PCDH11X: variants seen among roughly 807,000 people sequenced by gnomAD.
PCDH11X encodes protocadherin 11 X-linked.
PCDH11X carries 18 observed loss-of-function variants against 53.3 expected under a neutral mutation model. The observed-to-expected ratio is 0.34, with a 90% CI of 0.23 to 0.50. The LOEUF (loss-of-function observed/expected upper bound fraction) is 0.50. Ranked by LOEUF, PCDH11X falls within the 20% of genes least tolerant of loss-of-function variation. PCDH11X has a pLI of 0.98. For missense variants in PCDH11X, 570 were observed against 1,032.4 expected (o/e 0.55, Z 6.14); for synonymous variants, 279 against 393.3 (o/e 0.71, Z 3.44).
At chrX:92,399,192 C>CAAAAAAAAAAAAAAAAAA (rs376361040) in intron 9 of PCDH11X, among the ~76,000 whole-genome samples, 9 of 91,582 alleles carry the variant, frequency 9.8e-5, no homozygotes, top group African/African-American at 3.3e-4. Flanking sequence ...GACTCCGTGT[C>CAAAAAAAAAAAAAAAAAA]AAAAAAAAAA....
intron 8 of PCDH11X, among the ~76,000 whole-genome samples, chrX:92,332,980 A>G (rs1431134690): frequency 8.9e-6 from 1 of 112,001 alleles, no homozygotes; most frequent in Non-Finnish European, 1.9e-5. Flanking sequence ...GGGTTACCAA[A>G]TAAGAAATAC....
intron 9 of PCDH11X, among the ~76,000 whole-genome samples, chrX:92,432,563 T>C (rs2072273451): frequency 9.1e-6 from 1 of 109,902 alleles, no homozygotes; most frequent in African/African-American, 3.3e-5. Flanking sequence ...AAGTAGGAGT[T>C]GAGTAAATAC....
intron 6 of PCDH11X, among the ~76,000 whole-genome samples, chrX:91,904,976 G>T (rs1191668527): frequency 1.8e-5 from 2 of 109,076 alleles, no homozygotes; most frequent in Non-Finnish European, 3.8e-5. Context: ...CAGGGGAAAA[G>T]AATAAATATT....
chrX:92,516,647 C>A (rs1048785739), intron 10 of PCDH11X, among the ~76,000 whole-genome samples: 1 of 111,899 alleles, frequency 8.9e-6, no homozygotes, highest in African/African-American at 3.2e-5. Context: ...TTTAGAATTT[C>A]AAATATGATC....
intron 8 of PCDH11X, among the ~76,000 whole-genome samples, chrX:92,287,547 A>C (rs1190199059): frequency 9.0e-6 from 1 of 111,722 alleles, no homozygotes; most frequent in African/African-American, 3.3e-5. Context: ...TAATGTGCTC[A>C]TTCAATCAAC....
intron 1 of PCDH11X, among the ~76,000 whole-genome samples, chrX:91,781,782 TAGAG>T (rs1170321355): frequency 1.8e-5 from 2 of 112,132 alleles, no homozygotes; most frequent in African/African-American, 3.2e-5. Flanking sequence ...TGGTTCATCA[TAGAG>T]AGAGCGCGGA....
At chrX:92,054,820 CAAAAAAA>C (rs1174448342) in intron 6 of PCDH11X, among the ~76,000 whole-genome samples, 2 of 25,341 alleles carry the variant, frequency 7.9e-5, no homozygotes, top group Admixed American at 5.8e-4. Context: ...AACTCTGTCT[CAAAAAAA>C]AAAAAAAAAA....
intron 7 of PCDH11X, among the ~76,000 whole-genome samples, chrX:92,235,826 A>G (rs181318845): frequency 1.5e-3 from 169 of 110,973 alleles, no homozygotes; most frequent in African/African-American, 5.1e-3. Flanking sequence ...CTTGCAATGC[A>G]TCTCAGAGTG....
chrX:91,917,078 T>C lies in PCDH11X; in HGVS notation c.3033+37805T>C, dbSNP rs530676459. ...AACAAAAATCACACGATTTTCTCAATAGATGCAGAAAAATATTTGACAAAA... is the reference window on the plus strand; with the variant it reads ...AACAAAAATCACACGATTTTCTCAACAGATGCAGAAAAATATTTGACAAAA... On this transcript the variant is annotated intron_variant, in intron 6 of 10. Transcript: ENST00000682573. Among the ~76,000 whole-genome samples, 57 of 111,640 alleles carry C rather than the reference T, an allele frequency of 5.1e-4. 1 individual carries two copies. The South Asian group carries it at 0.021, about 40-fold the overall frequency.
intron 6 of PCDH11X, among the ~76,000 whole-genome samples, chrX:92,146,938 G>A (rs778610407): frequency 1.3e-3 from 146 of 110,841 alleles, no homozygotes; most frequent in African/African-American, 4.6e-3. Context: ...GGTGGAGGTT[G>A]CAGTGAGCCG....
intron 6 of PCDH11X, among the ~76,000 whole-genome samples, chrX:92,034,488 A>G (rs2063098379): frequency 9.3e-6 from 1 of 107,700 alleles, no homozygotes; most frequent in Admixed American, 1.0e-4. Context: ...TTATCATTAT[A>G]CTATAACCTT....
At chrX:92,588,588 C>A (rs1924662334) in intron 10 of PCDH11X, among the ~76,000 whole-genome samples, 5 of 108,862 alleles carry the variant, frequency 4.6e-5, no homozygotes, top group Admixed American at 4.0e-4. Flanking sequence ...TGAAGTCAGA[C>A]TGTATGAAAA....
intron 9 of PCDH11X, among the ~76,000 whole-genome samples, chrX:92,419,346 A>G (rs1361862797): frequency 1.0e-5 from 1 of 98,348 alleles, no homozygotes; most frequent in Non-Finnish European, 2.0e-5. Flanking sequence ...CTCAAACTCC[A>G]GGGCTCAAGA....
At chrX:92,186,419 C>T (rs1016792100) in intron 6 of PCDH11X, among the ~76,000 whole-genome samples, 2 of 111,091 alleles carry the variant, frequency 1.8e-5, no homozygotes, top group Non-Finnish European at 3.8e-5. Context: ...CACCTGACAT[C>T]GGGAGATCGA....
chrX:92,559,040 T>C lies in PCDH11X; in HGVS notation c.3368-59224T>C, dbSNP rs144975106. On this transcript the variant is annotated intron_variant, in intron 10 of 10. Transcript: ENST00000682573. ...TTTAAAATCCGTGCCAAAATTTCCA[T>C]TGGGCATGTAGTTGATTTTACTTGT... Among the ~76,000 whole-genome samples the C allele has an allele frequency of 3.2e-3, 356 of 111,313 alleles. 1 individual carries two copies. The highest frequency in any genetic ancestry group is 0.011 in the African/African-American group (341 of 30,711).
chrX:92,081,677 T>A (rs1282244282), intron 6 of PCDH11X, among the ~76,000 whole-genome samples: 1 of 107,148 alleles, frequency 9.3e-6, no homozygotes, highest in Admixed American at 1.0e-4. Context: ...AACTAGAGAA[T>A]AGCACAATAA....
chrX:92,161,555 T>C (rs1198504474), intron 6 of PCDH11X, among the ~76,000 whole-genome samples: 2 of 110,190 alleles, frequency 1.8e-5, no homozygotes, highest in East Asian at 5.7e-4. Context: ...TATTTGAATG[T>C]CTAGGTCTCT....
intron 10 of PCDH11X, among the ~76,000 whole-genome samples, chrX:92,575,948 C>T (rs1346656594): frequency 8.3e-4 from 24 of 28,757 alleles, no homozygotes; most frequent in East Asian, 1.1e-3. Context: ...TATATATACA[C>T]ACACACACAC....
intron 8 of PCDH11X, among the ~76,000 whole-genome samples, chrX:92,371,065 T>A (rs917220309): frequency 2.0e-4 from 22 of 111,918 alleles, no homozygotes; most frequent in Middle Eastern, 4.6e-3. Context: ...ACTATCTGTT[T>A]TCACCTTTTA....
Sources: allele counts gnomAD v4.1 joint callset (sites outside exome capture counted in the v4.1 genomes callset), GRCh38; gene constraint gnomAD v4.1.1; transcripts MANE v1.5; gene names NCBI Gene and HGNC (gene_info 2026-07-23, HGNC 2026-07-21).